The following MAML2 variants were observed in gnomAD, a reference collection of about 807,000 sequenced individuals.
MAML2 encodes the protein mastermind-like protein 2.
MAML2 carries 22 observed loss-of-function variants against 96.1 expected under a neutral mutation model. The observed-to-expected ratio is 0.23, with a 90% CI of 0.16 to 0.33. MAML2 has a LOEUF of 0.33. MAML2 is among the 10% of genes least tolerant of loss of function. The pLI is 1.00. For missense variants in MAML2, 1,367 were observed against 1,392.4 expected (o/e 0.98, Z 0.29); for synonymous variants, 561 against 521.3 (o/e 1.08, Z -1.04).
chr11:96,006,870 T>TAC (rs1491217661), intron 2 of MAML2, among the ~76,000 whole-genome samples: 3,863 of 109,628 alleles, frequency 0.035, 77 homozygotes, highest in Middle Eastern at 0.11. Context: ...AGGAATATCT[T>TAC]ATACACACAC....
At chr11:96,069,834 C>T (rs1185254726) in intron 2 of MAML2, among the ~76,000 whole-genome samples, 2 of 151,944 alleles carry the variant, frequency 1.3e-5, no homozygotes, top group Non-Finnish European at 2.9e-5. Context: ...ACCATCCTGG[C>T]CAAGATGGTG....
chr11:96,279,863 A>C (rs1218952946), intron 1 of MAML2, among the ~76,000 whole-genome samples: 1 of 152,170 alleles, frequency 6.6e-6, no homozygotes, highest in African/African-American at 2.4e-5. Context: ...GGATGAACTG[A>C]GCACTTTATA....
chr11:96,029,164 G>T (rs1421937468), intron 2 of MAML2, among the ~76,000 whole-genome samples: 3 of 141,644 alleles, frequency 2.1e-5, no homozygotes, highest in Non-Finnish European at 3.1e-5. Flanking sequence ...GAGTGAAACG[G>T]TTTTTTTTTT....
At chr11:96,005,768 T>G (rs1460872038) in intron 2 of MAML2, among the ~76,000 whole-genome samples, 1 of 152,190 alleles carries the variant, frequency 6.6e-6, no homozygotes, top group Non-Finnish European at 1.5e-5. Context: ...TCTCAACTAA[T>G]TCTAACAAAA....
At chr11:96,122,533 C>CTGTGT (rs1860369198) in intron 1 of MAML2, among the ~76,000 whole-genome samples, 3 of 136,828 alleles carry the variant, frequency 2.2e-5, no homozygotes, top group South Asian at 2.2e-4. Flanking sequence ...TGTGTGTGCA[C>CTGTGT]GTGCACGTGC....
chr11:96,071,015 G>A (rs755248412), intron 2 of MAML2, among the ~76,000 whole-genome samples: 3 of 152,254 alleles, frequency 2.0e-5, no homozygotes, highest in Non-Finnish European at 4.4e-5. Flanking sequence ...ACACCTGCCA[G>A]GTGGAAATAG....
At chr11:96,300,803 G>A (rs1863375446) in intron 1 of MAML2, among the ~76,000 whole-genome samples, 1 of 152,134 alleles carries the variant, frequency 6.6e-6, no homozygotes, top group African/African-American at 2.4e-5. Flanking sequence ...GCGGAGCTGA[G>A]GATAACCAGG....
At chr11:96,323,045 G>A (rs1166221284) in intron 1 of MAML2, among the ~76,000 whole-genome samples, 1 of 151,654 alleles carries the variant, frequency 6.6e-6, no homozygotes, top group Non-Finnish European at 1.5e-5. Context: ...ATTCAATTTA[G>A]GGAACTCACA....
chr11:96,262,869 C>A (rs921357534), intron 1 of MAML2, among the ~76,000 whole-genome samples: 5 of 152,228 alleles, frequency 3.3e-5, no homozygotes, highest in African/African-American at 1.2e-4. Context: ...CAGCTTTCTG[C>A]ACCTTCTGGC....
intron 1 of MAML2, among the ~76,000 whole-genome samples, chr11:96,288,762 T>A (rs1353109960): frequency 6.6e-6 from 1 of 152,204 alleles, no homozygotes; most frequent in East Asian, 1.9e-4. Context: ...TTTAAATTAA[T>A]TTTAATTATT....
In MAML2 at chr11:95,979,659, GTTA is replaced by G; in HGVS notation, c.2757_2759del (p.Asn921del). ...ATCCAGCTCCAAAAGTGGCTACATT[GTTA>G]TTATTACTTGGCCCTAAGGTAGGTG... On this transcript the variant is annotated inframe_deletion, in exon 5 of 5. Coordinates refer to ENST00000524717, the MANE Select transcript of MAML2 (RefSeq NM_032427.4). 1.2e-6 allele frequency: 2 copies of G among 1,613,944 alleles called. No individual in the cohort carries two copies. The highest frequency in any genetic ancestry group is 1.7e-6 in the Non-Finnish European group (2 of 1,179,882).
chr11:96,277,127 G>C (rs1359994381), intron 1 of MAML2, among the ~76,000 whole-genome samples: 1 of 152,188 alleles, frequency 6.6e-6, no homozygotes, highest in Non-Finnish European at 1.5e-5. Flanking sequence ...GTATAAAAAA[G>C]AGAGGAGTCA....
rs2135696861 is a variant in MAML2, at chr11:95,978,821, C to A, written c.*127G>T. 2 of 892,834 alleles carry A rather than the reference C, an allele frequency of 2.2e-6. No homozygotes were observed. The highest frequency in any genetic ancestry group is 3.3e-6 in the Non-Finnish European group (2 of 608,180). The allele number at this position is 892,834 out of a possible 1,614,324, so 55.3% of individuals were successfully genotyped here. A position where few individuals can be genotyped will look rare whatever the true frequency, so the allele number is the denominator to read the frequency against. ...TGTTCATCACTGCAGTTACTTTCTG[C>A]TTTCCATTTTTAAGCATGTTATCTT... On this transcript the variant is annotated 3_prime_UTR_variant, in exon 5 of 5. Coordinates refer to ENST00000524717, the MANE Select transcript of MAML2 (RefSeq NM_032427.4).
chr11:96,286,326 G>A (rs1335645504), intron 1 of MAML2, among the ~76,000 whole-genome samples: 1 of 152,174 alleles, frequency 6.6e-6, no homozygotes, highest in African/African-American at 2.4e-5. Context: ...TCCTGTCGGA[G>A]GGAGCAGGGG....
intron 1 of MAML2, among the ~76,000 whole-genome samples, chr11:96,315,109 A>G (rs974286055): frequency 6.6e-6 from 1 of 152,196 alleles, no homozygotes; most frequent in Non-Finnish European, 1.5e-5. Context: ...CTTAGTTCTA[A>G]AGAGTATATT....
intron 1 of MAML2, among the ~76,000 whole-genome samples, chr11:96,252,807 T>C (rs1180423270): frequency 6.6e-6 from 1 of 152,236 alleles, no homozygotes; most frequent in Non-Finnish European, 1.5e-5. Flanking sequence ...TTCAGTCATG[T>C]TCTTACACAG....
intron 1 of MAML2, among the ~76,000 whole-genome samples, chr11:96,109,291 A>T (rs1397819571): frequency 6.6e-6 from 1 of 152,164 alleles, no homozygotes. Flanking sequence ...TCTGGCTTTG[A>T]CGCCATGCAG....
chr11:96,192,259 C>T (rs1245859579), intron 1 of MAML2, among the ~76,000 whole-genome samples: 1 of 152,282 alleles, frequency 6.6e-6, no homozygotes, highest in Non-Finnish European at 1.5e-5. Context: ...GGGAAGAATG[C>T]GATTTGCTCT....
intron 1 of MAML2, among the ~76,000 whole-genome samples, chr11:96,169,491 G>T (rs577737719): frequency 6.6e-6 from 1 of 152,284 alleles, no homozygotes; most frequent in Admixed American, 6.5e-5. Context: ...GTCCTGCTGA[G>T]GTCATCTGTA....
Sources: allele counts gnomAD v4.1 joint callset (sites outside exome capture counted in the v4.1 genomes callset), GRCh38; gene constraint gnomAD v4.1.1; transcripts MANE v1.5; gene names NCBI Gene and HGNC (gene_info 2026-07-23, HGNC 2026-07-21).